TMEM220: variants seen among roughly 807,000 people sequenced by gnomAD.
The protein encoded by TMEM220 is transmembrane protein 220.
Under a neutral mutation model 21.7 loss-of-function variants are expected in TMEM220, and 21 were observed. That is an observed-to-expected ratio of 0.97 (90% CI 0.69 to 1.39). The LOEUF (loss-of-function observed/expected upper bound fraction) is 1.39, where lower values mean the gene tolerates loss of function less well. Among genes scored for constraint, TMEM220 ranks in the 40% most tolerant of loss-of-function variants. The pLI, the probability that TMEM220 is intolerant of heterozygous loss-of-function variation, is 0.00. For missense variants in TMEM220, 191 were observed against 201.9 expected (o/e 0.95, Z 0.33); for synonymous variants, 80 against 73.6 (o/e 1.09, Z -0.45).
chr17:10,718,126 G>A (rs2074944438), intron 5 of TMEM220, among the ~76,000 whole-genome samples: 1 of 151,958 alleles, frequency 6.6e-6, no homozygotes, highest in Non-Finnish European at 1.5e-5. Flanking sequence ...CCGGCCCTAT[G>A]AACTCAATTT....
rs1279003667 is a variant in TMEM220, at chr17:10,713,372, G to T, written c.*2081C>A. ...TCTTCAAAAGACTATTCCACCAAAA[G>T]TGCCTTTTATATGCTTAACTGAAGA... On this transcript the variant is annotated 3_prime_UTR_variant, in exon 6 of 6. Transcript: ENST00000341871. The T allele has an allele frequency of 6.6e-6, 1 of 151,202 alleles. No individual in the cohort carries two copies. The highest frequency in any genetic ancestry group is 1.5e-5 in the Non-Finnish European group (1 of 67,876). 9.4% of individuals were successfully genotyped at this position (151,202 alleles called of 1,614,324 possible).
chr17:10,728,205 T>C lies in TMEM220; in HGVS notation c.102+826A>G, dbSNP rs1000898770. 3.3e-5 allele frequency among the ~76,000 whole-genome samples: 5 copies of C among 150,320 alleles called. No individual in the cohort carries two copies. The East Asian group carries it at 5.8e-4, about 17-fold the overall frequency. On this transcript the variant is annotated intron_variant, in intron 2 of 5. Transcript: ENST00000341871. Reference sequence around the variant, plus strand: ...GATATTTAGAAGATGTATGGAACAATGGCCCCCTCCTCCAAATGGTTCAAA... The same window carrying C: ...GATATTTAGAAGATGTATGGAACAACGGCCCCCTCCTCCAAATGGTTCAAA...
chr17:10,726,056 A>G (rs902495804), intron 3 of TMEM220, 148 bp downstream of exon 3: 48 of 635,926 alleles, frequency 7.5e-5, no homozygotes, highest in Non-Finnish European at 1.3e-4. Flanking sequence ...ATGGGTAAGG[A>G]TGATTAGAAT....
chr17:10,720,109 G>T (rs934897885), intron 5 of TMEM220, among the ~76,000 whole-genome samples: 1 of 152,206 alleles, frequency 6.6e-6, no homozygotes, highest in African/African-American at 2.4e-5. Context: ...GCCATGGCTG[G>T]TTGGGATGCA....
intron 1 of TMEM220, 34 bp downstream of exon 1, chr17:10,729,746 C>A: frequency 7.5e-7 from 1 of 1,329,310 alleles, no homozygotes; most frequent in South Asian, 1.9e-5. Flanking sequence ...AGCTGGGAGC[C>A]GGGCGGGTCC....
At position 10,715,561 on chromosome 17, in the gene TMEM220, C is replaced by G. The variant is rs1343585400; in HGVS notation, c.375G>C (p.Leu125Phe). ...AAAGTGTGATTACAATGGCAATAGC[C>G]AATTGAATTCTTCCACCAACTGGAT... ...SKNPVGGRIQ[L>F]AIAIVITLFP... is the part of the protein sequence containing the mutation. The change falls in exon 6 of 6, where the codon TTG (leucine) becomes TTC (phenylalanine). Residue 125 changes from leucine (L) to phenylalanine (F), a missense_variant. Physicochemically the swap from Leu to Phe is conservative, Grantham distance 22 (BLOSUM62 0). Coordinates refer to ENST00000341871, the MANE Select transcript of TMEM220 (RefSeq NM_001004313.3). 1 of 1,593,094 alleles carries G rather than the reference C, an allele frequency of 6.3e-7. No homozygotes were observed. Among genetic ancestry groups the G allele is most frequent in the African/African-American group, 1.4e-5 (1 of 73,804 alleles).
In TMEM220 at chr17:10,729,863, C is replaced by A. The variant is rs1281136416; in HGVS notation, c.-12G>T. Reference sequence around the variant, plus strand: ...AGCGCTGGCGCCATGGCTCGGAGAACACGGCGCGGGGCGGTGAGTCCTGCC... The same window carrying A: ...AGCGCTGGCGCCATGGCTCGGAGAAAACGGCGCGGGGCGGTGAGTCCTGCC... On this transcript the variant is annotated 5_prime_UTR_variant, in exon 1 of 6. Coordinates refer to ENST00000341871, the MANE Select transcript of TMEM220 (RefSeq NM_001004313.3). The A allele has an allele frequency of 5.3e-6, 7 of 1,332,922 alleles. No homozygotes were observed. The highest frequency in any genetic ancestry group is 6.7e-6 in the Non-Finnish European group (7 of 1,037,116). The allele number at this position is 1,332,922 out of a possible 1,614,324, so 82.6% of individuals were successfully genotyped here.
intron 2 of TMEM220, among the ~76,000 whole-genome samples, chr17:10,727,442 A>T (rs962951890): frequency 6.6e-6 from 1 of 152,226 alleles, no homozygotes; most frequent in Non-Finnish European, 1.5e-5. Flanking sequence ...GTGAGTCAGG[A>T]TAAGTAGATT....
chr17:10,711,314 T>C, downstream of TMEM220: 1 of 640,136 alleles, frequency 1.6e-6, no homozygotes, highest in Non-Finnish European at 2.6e-6. Flanking sequence ...TTTTGGATCA[T>C]GTATCCATTG....
intron 5 of TMEM220, among the ~76,000 whole-genome samples, chr17:10,722,086 G>A (rs1440620067): frequency 2.6e-5 from 4 of 151,562 alleles, no homozygotes; most frequent in East Asian, 3.9e-4. Flanking sequence ...TCCGACTCCC[G>A]GGTTCAAGCG....
Position 10,726,271 on chromosome 17 carries a change from G to C in TMEM220, c.103-7C>G, listed in dbSNP as rs1295173159. Reference sequence around the variant, plus strand: ...CAGGGATTGTGTACACCACCTGTTAGCAAAAAGGGAGGAAATTACATGAGT... The same window carrying C: ...CAGGGATTGTGTACACCACCTGTTACCAAAAAGGGAGGAAATTACATGAGT... On this transcript the variant is annotated splice_region_variant and splice_polypyrimidine_tract_variant and intron_variant, in intron 2 of 5. Transcript: ENST00000341871. The C allele has an allele frequency of 6.2e-7, 1 of 1,612,640 alleles. No individual in the cohort carries two copies. The highest frequency in any genetic ancestry group is 1.7e-5 in the Admixed American group (1 of 59,990).
downstream of TMEM220, among the ~76,000 whole-genome samples, chr17:10,712,308 G>T (rs1010645186): frequency 3.3e-5 from 5 of 152,130 alleles, no homozygotes; most frequent in Admixed American, 3.3e-4. Context: ...TTCAGCCTTC[G>T]TCTTGCAAGG....
chr17:10,723,207 C>G lies in TMEM220; in HGVS notation c.347+63G>C. ...TATTGGCCAGGATGGTCTTGATCTC[C>G]TGACCTCGTGATCTGCCCGCCTCGG... On this transcript the variant is annotated intron_variant, in intron 5 of 5. Coordinates refer to ENST00000341871, the MANE Select transcript of TMEM220 (RefSeq NM_001004313.3). The G allele has an allele frequency of 2.1e-6, 3 of 1,421,278 alleles. No homozygotes were observed. The South Asian group carries it at 3.4e-5, about 16-fold the overall frequency. 88.0% of individuals were successfully genotyped at this position (1,421,278 alleles called of 1,614,324 possible). A position where few individuals can be genotyped will look rare whatever the true frequency, so the allele number is the denominator to read the frequency against.
chr17:10,726,127 G>T, intron 3 of TMEM220, 77 bp downstream of exon 3: 1 of 1,198,458 alleles, frequency 8.3e-7, no homozygotes, highest in Non-Finnish European at 1.2e-6. Flanking sequence ...TTACTCCTGG[G>T]AGTTGGGCAG....
intron 5 of TMEM220, among the ~76,000 whole-genome samples, chr17:10,721,266 T>A (rs982759641): frequency 1.1e-4 from 17 of 152,078 alleles, no homozygotes; most frequent in Non-Finnish European, 2.5e-4. Flanking sequence ...AATGGGACAG[T>A]CTGAGCATCA....
chr17:10,721,762 T>C (rs1405697411), intron 5 of TMEM220, among the ~76,000 whole-genome samples: 1 of 151,392 alleles, frequency 6.6e-6, no homozygotes. Flanking sequence ...TCTCTGCTTT[T>C]ATATATGTTT....
rs2075108839 is a variant in TMEM220, at chr17:10,729,951, G to A, written c.-100C>T. 8.1e-7 allele frequency: 1 copy of A among 1,233,728 alleles called. No homozygotes were observed. The allele number at this position is 1,233,728 out of a possible 1,614,324, so 76.4% of individuals were successfully genotyped here. Reference sequence around the variant, plus strand: ...CTTCCTCCTTGCGCGGAGGGACCGAGACCCCCGCCTCGGTTTCGGTGCCTT... The same window carrying A: ...CTTCCTCCTTGCGCGGAGGGACCGAAACCCCCGCCTCGGTTTCGGTGCCTT... On this transcript the variant is annotated 5_prime_UTR_variant, in exon 1 of 6. Transcript: ENST00000341871.
chr17:10,723,417 C>T, intron 4 of TMEM220, 88 bp from the exon 5 acceptor site: 1 of 927,370 alleles, frequency 1.1e-6, no homozygotes, highest in East Asian at 2.4e-5. Flanking sequence ...CCTGATAGCG[C>T]ATTCTGATTG....
At position 10,720,012 on chromosome 17, in the gene TMEM220, C is replaced by T. The variant is rs537395692; in HGVS notation, c.347+3258G>A. Among the ~76,000 whole-genome samples the T allele has an allele frequency of 2.4e-4, 36 of 152,280 alleles. No homozygotes were observed. The South Asian group carries it at 7.5e-3, about 32-fold the overall frequency. Reference sequence around the variant, plus strand: ...ATAAGAGAAATGCAAGCTAAAACTACCCCTTTCTCAACGATCCGATTAGTA... The same window carrying T: ...ATAAGAGAAATGCAAGCTAAAACTATCCCTTTCTCAACGATCCGATTAGTA... On this transcript the variant is annotated intron_variant, in intron 5 of 5. Coordinates refer to ENST00000341871, the MANE Select transcript of TMEM220 (RefSeq NM_001004313.3).
Sources: allele counts gnomAD v4.1 joint callset (sites outside exome capture counted in the v4.1 genomes callset), GRCh38; gene constraint gnomAD v4.1.1; transcripts MANE v1.5; gene names NCBI Gene and HGNC (gene_info 2026-07-23, HGNC 2026-07-21).